Variants in STARD9 observed in about 807,000 individuals in gnomAD.
The protein encoded by STARD9 is StAR related lipid transfer domain containing 9.
In STARD9, 346 loss-of-function variants were observed where a neutral mutation model predicts 399.8. The ratio of observed to expected loss-of-function variants is 0.87; its 90% CI spans 0.79 to 0.95. The LOEUF (loss-of-function observed/expected upper bound fraction) is 0.95, where lower values mean the gene tolerates loss of function less well. STARD9 is among the 40% of genes least tolerant of loss of function. STARD9 has a pLI of 0.00. For missense variants in STARD9, 5,832 were observed against 5,667.5 expected (o/e 1.03, Z -0.93); for synonymous variants, 2,203 against 2,143.5 (o/e 1.03, Z -0.77).
At chr15:42,612,992 A>G (rs958923107) in intron 3 of STARD9, among the ~76,000 whole-genome samples, 2 of 107,778 alleles carry the variant, frequency 1.9e-5, no homozygotes, top group African/African-American at 7.6e-5. Context: ...TCAGAGGGGA[A>G]AAAAAAAAAA....
Position 42,701,790 on chromosome 15 carries a change from C to T in STARD9, c.13284+5910C>T, listed in dbSNP as rs375979465. Among the ~76,000 whole-genome samples, 7 of 151,916 alleles carry T rather than the reference C, an allele frequency of 4.6e-5. No individual in the cohort carries two copies. In the East Asian group the frequency reaches 1.2e-3, roughly 25 times the overall value. The stretch of plus-strand genomic sequence containing the variant: ...CAGGCTGATCACAAAGTCAGGAGTT[C>T]GAGACCAGCCTGGCCAACATAGTGA... On this transcript the variant is annotated intron_variant, in intron 26 of 32. Transcript: ENST00000290607.
chr15:42,665,016 G>A (rs2060066153), intron 13 of STARD9, among the ~76,000 whole-genome samples: 2 of 152,102 alleles, frequency 1.3e-5, no homozygotes, highest in Non-Finnish European at 1.5e-5. Context: ...ATGCTGCTGG[G>A]CCCCAGTCCT....
At chr15:42,709,810 A>C (rs1004271350) in intron 26 of STARD9, among the ~76,000 whole-genome samples, 2 of 152,204 alleles carry the variant, frequency 1.3e-5, no homozygotes, top group Non-Finnish European at 2.9e-5. Context: ...GTGATATTTT[A>C]GGGAATTTTG....
chr15:42,705,856 G>T (rs934458234), intron 26 of STARD9, among the ~76,000 whole-genome samples: 1 of 152,058 alleles, frequency 6.6e-6, no homozygotes, highest in Non-Finnish European at 1.5e-5. Context: ...GGGTTCAAGC[G>T]ATTCTCTTGT....
At chr15:42,679,006 ACTTT>A (rs999564243) in intron 20 of STARD9, among the ~76,000 whole-genome samples, 2 of 152,206 alleles carry the variant, frequency 1.3e-5, no homozygotes, top group African/African-American at 4.8e-5. Flanking sequence ...CATAGCTGTC[ACTTT>A]CTTAGGTGAA....
In STARD9 at chr15:42,610,637, C is replaced by T. The variant is rs562582851; in HGVS notation, c.235-24219C>T. 9.8e-5 allele frequency among the ~76,000 whole-genome samples: 15 copies of T among 152,324 alleles called. No homozygotes were observed. In the East Asian group the frequency reaches 1.7e-3, roughly 18 times the overall value. On this transcript the variant is annotated intron_variant, in intron 3 of 32. Transcript: ENST00000290607. ...AATCTTGGCTCACTGCAACCTCCGC[C>T]GCCCGGGTTCAAGCTTCTCCTGCCT...
intron 3 of STARD9, among the ~76,000 whole-genome samples, chr15:42,587,950 A>G (rs2058310813): frequency 6.6e-6 from 1 of 152,170 alleles, no homozygotes; most frequent in Admixed American, 6.5e-5. Flanking sequence ...AGCTCCTCCA[A>G]GAAGAACCAG....
Position 42,688,809 on chromosome 15 carries a change from G to A in STARD9, c.7231G>A (p.Val2411Met). ...SEAHTAWCGS[V>M]RSMAMGSHSQ... ...GGCACACACTGCCTGGTGTGGGTCT[G>A]TGCGATCCATGGCCATGGGATCTCA... is the stretch of plus-strand genomic sequence containing the variant. Residue 2411 changes from valine to methionine, a missense_variant, in exon 23 of 33, where the codon GTG (valine) becomes ATG (methionine). Val to Met is a conservative substitution (Grantham distance 21, BLOSUM62 1). Around this residue, in one of 2 missense-constraint regions of STARD9, gnomAD observed 5,828 missense variants for 5,651.1 expected, o/e 1.03. Transcript: ENST00000290607. 6.5e-7 allele frequency: 1 copy of A among 1,537,424 alleles called. No homozygotes were observed. The highest frequency in any genetic ancestry group is 1.2e-5 in the South Asian group (1 of 84,058).
rs146447642 is a variant in STARD9 at position 42,592,723 on chromosome 15, C to T, written c.234+7086C>T. On this transcript the variant is annotated intron_variant, in intron 3 of 32. Transcript: ENST00000290607. ...CCTCCCAAAGTGCTGGGATTACAGGCGTGAGCCACCACACCCAGCCAGCTT... is the reference window on the plus strand; with the variant it reads ...CCTCCCAAAGTGCTGGGATTACAGGTGTGAGCCACCACACCCAGCCAGCTT... 6.4e-4 allele frequency among the ~76,000 whole-genome samples: 97 copies of T among 152,056 alleles called. 1 individual carries two copies. The East Asian group carries it at 0.015, about 23-fold the overall frequency.
At position 42,686,328 on chromosome 15, in the gene STARD9, G is replaced by GC. The variant is rs1427302353; in HGVS notation, c.4751dup (p.Ser1585GlufsTer3). 6.5e-7 allele frequency: 1 copy of GC among 1,537,430 alleles called. No individual in the cohort carries two copies. The highest frequency in any genetic ancestry group is 1.2e-5 in the South Asian group (1 of 84,056). On this transcript the variant is annotated frameshift_variant, in exon 23 of 33. Transcript: ENST00000290607. LOFTEE classifies it high-confidence loss of function. ...TTTCTTTAGCACTAGTGAGAAAGAG[G>GC]CGAGTTATGACGAAACTTATTCGGC... is the stretch of plus-strand genomic sequence containing the variant.
At chr15:42,650,410 G>A (rs926355718) in intron 7 of STARD9, among the ~76,000 whole-genome samples, 8 of 152,174 alleles carry the variant, frequency 5.3e-5, no homozygotes, top group African/African-American at 1.7e-4. Context: ...TTTCATGCCC[G>A]TAGGCTCCTC....
At chr15:42,614,041 G>A (rs189176833) in intron 3 of STARD9, among the ~76,000 whole-genome samples, 150 of 152,114 alleles carry the variant, frequency 9.9e-4, no homozygotes, top group Admixed American at 2.1e-3. Flanking sequence ...GGCTGGGCAC[G>A]GTGTCTCATG....
At chr15:42,719,409 T>C in intron 32 of STARD9, 64 bp from the exon 33 acceptor site, 1 of 1,079,884 alleles carries the variant, frequency 9.3e-7, no homozygotes, top group Non-Finnish European at 1.4e-6. Context: ...TCCATGGGAC[T>C]GGAGTACGCC....
chr15:42,669,361 T>C, intron 16 of STARD9, 24 bp downstream of exon 16: 1 of 1,487,510 alleles, frequency 6.7e-7, no homozygotes, highest in Non-Finnish European at 9.0e-7. Flanking sequence ...TGTATCCTTT[T>C]CTTCCTAAGC....
intron 16 of STARD9, chr15:42,670,909 A>G (rs1055445333): frequency 1.3e-5 from 2 of 152,224 alleles, no homozygotes; most frequent in African/African-American, 4.8e-5. Context: ...AGAAGCACAG[A>G]GAGAGGTTGG....
rs749651219 is a variant in STARD9, at chr15:42,718,156, G to C, written c.13739G>C (p.Arg4580Pro). The change falls in exon 30 of 33, where the codon CGA becomes CCA. Residue 4580 changes from arginine (R) to proline (P), a missense_variant. Around this residue, in one of 2 missense-constraint regions of STARD9, gnomAD observed 5,828 missense variants for 5,651.1 expected, o/e 1.03. Coordinates refer to ENST00000290607, the MANE Select transcript of STARD9 (RefSeq NM_020759.3). ...KPIQTARLHQ[R>P]VTNSISLVYL... is the part of the protein sequence containing the mutation. ...ATCCAGACAGCAAGGCTGCATCAGC[G>C]AGTGACCAACAGCATCAGCCTGGGT... The C allele has an allele frequency of 9.1e-6, 14 of 1,536,894 alleles. No homozygotes were observed. In the South Asian group the frequency reaches 1.5e-4, roughly 17 times the overall value.
intron 3 of STARD9, among the ~76,000 whole-genome samples, chr15:42,622,336 TCG>T (rs1258928086): frequency 3.9e-5 from 6 of 152,050 alleles, no homozygotes; most frequent in African/African-American, 1.4e-4. Context: ...CACCTGTAGC[TCG>T]CTCTCTCTCT....
intron 26 of STARD9, among the ~76,000 whole-genome samples, 175 bp from the exon 27 acceptor site, chr15:42,716,502 C>G (rs534931089): frequency 5.7e-4 from 87 of 152,320 alleles, no homozygotes; most frequent in African/African-American, 2.0e-3. Context: ...CGTCTAGATA[C>G]CTATTTCTAT....
intron 26 of STARD9, among the ~76,000 whole-genome samples, chr15:42,697,898 C>T (rs1435202000): frequency 6.6e-6 from 1 of 152,096 alleles, no homozygotes; most frequent in Non-Finnish European, 1.5e-5. Context: ...AATACCCATC[C>T]CCGCCCTCAG....
Sources: gnomAD v4.1 joint callset for allele counts (sites outside exome capture counted in the v4.1 genomes callset) on GRCh38, gnomAD v4.1.1 for gene constraint, gnomAD v4.1.1 regional missense constraint, MANE v1.5 for transcripts, NCBI Gene and HGNC (gene_info 2026-07-23, HGNC 2026-07-21) for gene names.